The following OPRM1 variants were observed in gnomAD, a reference collection of about 807,000 sequenced individuals.
The protein encoded by OPRM1 is mu-type opioid receptor.
A neutral mutation model predicts 31.8 loss-of-function variants in OPRM1; 27 were observed. The observed-to-expected ratio is 0.85, with a 90% confidence interval of 0.63 to 1.17. The LOEUF (loss-of-function observed/expected upper bound fraction) is 1.17, where lower values mean the gene tolerates loss of function less well. OPRM1 is among the 50% of genes most tolerant of loss of function. OPRM1 has a pLI of 0.00. For synonymous variants in OPRM1, 196 were observed against 189.9 expected (o/e 1.03, Z -0.26); for missense variants, 536 against 511.1 (o/e 1.05, Z -0.47).
At position 154,039,262 on chromosome 6, in the gene OPRM1, A is replaced by G; in HGVS notation, c.-283A>G. The G allele has an allele frequency of 6.4e-7, 1 of 1,551,478 alleles. No homozygotes were observed. Among genetic ancestry groups the G allele is most frequent in the Non-Finnish European group, 8.7e-7 (1 of 1,146,914 alleles). On this transcript the variant is annotated 5_prime_UTR_variant, in exon 1 of 4. Coordinates refer to ENST00000330432, the MANE Select transcript of OPRM1 (RefSeq NM_000914.5). ...CTCCTCCCTCCCTTCCAGCCTCCGA[A>G]TCCCGCATGGCCCACGCTCCCCTCC... is the stretch of plus-strand genomic sequence containing the variant.
At chr6:154,152,238 AAAG>A (rs1358785234) in intron 3 of OPRM1, among the ~76,000 whole-genome samples, 1 of 147,604 alleles carries the variant, frequency 6.8e-6, no homozygotes, top group African/African-American at 2.6e-5. Flanking sequence ...AAGAAAGAGA[AAAG>A]AAAAAGAAGA....
At chr6:154,059,271 A>T in intron 1 of OPRM1, among the ~76,000 whole-genome samples, 1 of 152,162 alleles carries the variant, frequency 6.6e-6, no homozygotes, top group African/African-American at 2.4e-5. Flanking sequence ...GGATAACTCA[A>T]TCTAGGTCTG....
At chr6:154,066,888 G>C (rs1785527709) in intron 1 of OPRM1, among the ~76,000 whole-genome samples, 1 of 152,110 alleles carries the variant, frequency 6.6e-6, no homozygotes, top group African/African-American at 2.4e-5. Context: ...AGCTTAAGTA[G>C]ACTATTACAG....
rs74997976 is a variant in OPRM1 at position 154,126,496 on chromosome 6, A to G, written c.*7775A>G. The stretch of plus-strand genomic sequence containing the variant: ...CACTACCCAATATTTGCAAAATTCA[A>G]ATGTCTCATAGGCTCTTCTTCCCTG... On this transcript the variant is annotated 3_prime_UTR_variant, in exon 4 of 4. Coordinates refer to ENST00000330432, the MANE Select transcript of OPRM1 (RefSeq NM_000914.5). 0.011 allele frequency among the ~76,000 whole-genome samples: 1,628 copies of G among 152,292 alleles called. 27 individuals carry two copies. The highest frequency in any genetic ancestry group is 0.038 in the African/African-American group (1,573 of 41,542).
chr6:154,039,247 C>T lies in OPRM1; in HGVS notation c.-298C>T, dbSNP rs1779524626. 2 of 1,551,634 alleles carry T rather than the reference C, an allele frequency of 1.3e-6. No individual in the cohort carries two copies. The highest frequency in any genetic ancestry group is 2.0e-5 in the Admixed American group (1 of 50,990). Reference sequence around the variant, plus strand: ...ATCCACCCCTTTTCCCTCCTCCCTCCCTTCCAGCCTCCGAATCCCGCATGG... The same window carrying T: ...ATCCACCCCTTTTCCCTCCTCCCTCTCTTCCAGCCTCCGAATCCCGCATGG... On this transcript the variant is annotated 5_prime_UTR_variant, in exon 1 of 4. Coordinates refer to ENST00000330432, the MANE Select transcript of OPRM1 (RefSeq NM_000914.5).
chr6:154,057,770 C>T (rs1349106355), intron 1 of OPRM1, among the ~76,000 whole-genome samples: 1 of 152,126 alleles, frequency 6.6e-6, no homozygotes, highest in Non-Finnish European at 1.5e-5. Context: ...GGAGTCATTC[C>T]TTTCGGACAT....
chr6:154,040,723 T>C (rs971005862), intron 1 of OPRM1, among the ~76,000 whole-genome samples: 6 of 152,026 alleles, frequency 3.9e-5, no homozygotes, highest in Admixed American at 2.0e-4. Context: ...TGATGGGTGC[T>C]CTAGACAAAG....
chr6:154,110,134 AC>A (rs1468821513), intron 3 of OPRM1, among the ~76,000 whole-genome samples: 3 of 152,188 alleles, frequency 2.0e-5, no homozygotes, highest in Admixed American at 6.5e-5. Context: ...ACTTCAGTAT[AC>A]AAAAAGACAT....
intron 3 of OPRM1, among the ~76,000 whole-genome samples, chr6:154,195,375 C>T (rs1776526651): frequency 6.6e-6 from 1 of 152,024 alleles, no homozygotes; most frequent in Admixed American, 6.6e-5. Flanking sequence ...TCTCGATCTC[C>T]TGACCTTGTG....
At chr6:154,090,255 T>C (rs1791772657) in intron 2 of OPRM1, 77 bp downstream of exon 2, 1 of 917,286 alleles carries the variant, frequency 1.1e-6, no homozygotes, top group East Asian at 2.4e-5. Flanking sequence ...AAAGCAGTAT[T>C]TATGGAGTGC....
At chr6:154,204,699 G>T (rs1777342897) in intron 3 of OPRM1, among the ~76,000 whole-genome samples, 1 of 152,108 alleles carries the variant, frequency 6.6e-6, no homozygotes, top group South Asian at 2.1e-4. Context: ...CATTCTAGTG[G>T]CTTCCTGCCT....
chr6:154,064,728 C>G (rs1490038702), intron 1 of OPRM1, among the ~76,000 whole-genome samples: 4 of 152,156 alleles, frequency 2.6e-5, no homozygotes, highest in African/African-American at 4.8e-5. Context: ...TTTCCCAACA[C>G]CATTTGTTGA....
At chr6:154,177,014 C>T (rs1800390970) in intron 3 of OPRM1, among the ~76,000 whole-genome samples, 1 of 152,080 alleles carries the variant, frequency 6.6e-6, no homozygotes, top group East Asian at 1.9e-4. Context: ...ATCTGACAAA[C>T]CTGACAAAAA....
chr6:154,100,500 G>C (rs1377832653), intron 3 of OPRM1, among the ~76,000 whole-genome samples: 1 of 151,772 alleles, frequency 6.6e-6, no homozygotes, highest in South Asian at 2.1e-4. Context: ...AGAAACACAT[G>C]CAAAGAAATA....
intron 3 of OPRM1, among the ~76,000 whole-genome samples, chr6:154,207,559 G>GTTT (rs60099031): frequency 1.3e-5 from 2 of 151,188 alleles, no homozygotes; most frequent in Non-Finnish European, 1.5e-5. Context: ...ACTTTTTGGG[G>GTTT]TTTTTTTTGT....
chr6:154,176,941 G>C (rs1800384031), intron 3 of OPRM1, among the ~76,000 whole-genome samples: 1 of 152,100 alleles, frequency 6.6e-6, no homozygotes. Flanking sequence ...CTAAAACAGA[G>C]ATATAGACCA....
In OPRM1 at chr6:154,039,564, C is replaced by T. The variant is rs777099271; in HGVS notation, c.20C>T (p.Pro7Leu). MDSSAA[P>L]TNASNCTDAL... Reference sequence around the variant, plus strand: ...AGTACCATGGACAGCAGCGCTGCCCCCACGAACGCCAGCAATTGCACTGAT... The same window carrying T: ...AGTACCATGGACAGCAGCGCTGCCCTCACGAACGCCAGCAATTGCACTGAT... The change falls in exon 1 of 4, where the codon CCC becomes CTC. Residue 7 changes from proline (P) to leucine (L), a missense_variant. Coordinates refer to ENST00000330432, the MANE Select transcript of OPRM1 (RefSeq NM_000914.5). The T allele has an allele frequency of 1.9e-6, 3 of 1,612,482 alleles. No individual in the cohort carries two copies. Among genetic ancestry groups the T allele is most frequent in the African/African-American group, 1.3e-5 (1 of 74,926 alleles).
intron 3 of OPRM1, among the ~76,000 whole-genome samples, chr6:154,198,090 T>C (rs1157184221): frequency 2.0e-5 from 3 of 152,154 alleles, no homozygotes; most frequent in African/African-American, 7.2e-5. Context: ...AAAATGTTTG[T>C]CTCAGAATGA....
At chr6:154,176,504 T>C (rs1292377441) in intron 3 of OPRM1, among the ~76,000 whole-genome samples, 3 of 152,088 alleles carry the variant, frequency 2.0e-5, no homozygotes, top group Admixed American at 2.0e-4. Context: ...TGTGCAAAAA[T>C]CACAAGCATT....
Sources: gnomAD v4.1 joint callset for allele counts (sites outside exome capture counted in the v4.1 genomes callset) on GRCh38, gnomAD v4.1.1 for gene constraint, MANE v1.5 for transcripts, NCBI Gene and HGNC (gene_info 2026-07-23, HGNC 2026-07-21) for gene names.